SETD2: variants seen among roughly 807,000 people sequenced by gnomAD.
The protein encoded by SETD2 is SET domain containing 2, histone lysine methyltransferase.
A neutral mutation model predicts 242.1 loss-of-function variants in SETD2; 31 were observed. That is an observed-to-expected ratio of 0.13 (90% CI 0.10 to 0.17). The LOEUF (loss-of-function observed/expected upper bound fraction) is 0.17, where lower values mean the gene tolerates loss of function less well. Ranked by LOEUF, SETD2 falls within the 10% of genes least tolerant of loss-of-function variation. The pLI is 1.00. For synonymous variants in SETD2, 1,006 were observed against 1,066.5 expected (o/e 0.94, Z 1.11); for missense variants, 2,481 against 3,046.3 (o/e 0.81, Z 4.37).
chr3:47,125,518 A>G (rs2043298314), intron 2 of SETD2, among the ~76,000 whole-genome samples: 1 of 152,158 alleles, frequency 6.6e-6, no homozygotes. Context: ...TCAATGTCCC[A>G]GGTTTGGGAA....
At chr3:47,076,143 G>A (rs188028678) in intron 12 of SETD2, among the ~76,000 whole-genome samples, 4 of 152,258 alleles carry the variant, frequency 2.6e-5, no homozygotes, top group Admixed American at 2.6e-4. Flanking sequence ...ACTCTATCTT[G>A]GAGAAACAGG....
In SETD2 at chr3:47,019,533, T is replaced by A. The variant is rs2038126673; in HGVS notation, c.7431+227A>T. Among the ~76,000 whole-genome samples the A allele has an allele frequency of 1.3e-5, 2 of 152,062 alleles. 1 individual carries two copies. Among genetic ancestry groups the A allele is most frequent in the South Asian group, 4.1e-4 (2 of 4,826 alleles). On this transcript the variant is annotated intron_variant, in intron 19 of 20. Transcript: ENST00000409792. Reference sequence around the variant, plus strand: ...CATAGATGCTACAGAAGGCCCACAGTCAAACAAGCAAATGTGGTCTGAGAG... The same window carrying A: ...CATAGATGCTACAGAAGGCCCACAGACAAACAAGCAAATGTGGTCTGAGAG...
chr3:47,058,962 TTTGTTGTTG>T (rs545561796), intron 14 of SETD2, among the ~76,000 whole-genome samples: 4 of 150,978 alleles, frequency 2.6e-5, no homozygotes, highest in African/African-American at 4.9e-5. Context: ...GCCTGGCTAA[TTTGTTGTTG>T]TTGTTGTTGT....
chr3:47,150,822 T>C (rs2043966715), intron 1 of SETD2, among the ~76,000 whole-genome samples: 1 of 150,434 alleles, frequency 6.6e-6, no homozygotes, highest in Non-Finnish European at 1.5e-5. Flanking sequence ...AAATTAGGCG[T>C]AGTGGGAGGA....
Position 47,120,414 on chromosome 3 carries a change from T to G in SETD2, c.4222A>C (p.Arg1408=). Residue 1408 remains arginine, a synonymous_variant, in exon 3 of 21, where the codon AGG becomes CGG. Transcript: ENST00000409792. ...TCAGAATCACTCTCTATTTCCTGCC[T>G]CCTTTTTTTAAGAGGCCCTCTATCT... ...IKDRGPLKKR[R]QEIESDSESD... is the part of the protein sequence containing the mutation. The G allele has an allele frequency of 6.2e-7, 1 of 1,611,650 alleles. No homozygotes were observed. Among genetic ancestry groups the G allele is most frequent in the Non-Finnish European group, 8.5e-7 (1 of 1,179,426 alleles).
chr3:47,115,844 C>T (rs1295133796), intron 4 of SETD2, among the ~76,000 whole-genome samples: 1 of 152,140 alleles, frequency 6.6e-6, no homozygotes, highest in Non-Finnish European at 1.5e-5. Context: ...TGGGGTTTCA[C>T]CATGTTGGCC....
At position 47,059,130 on chromosome 3, in the gene SETD2, TTTTGAGAGG is replaced by T. The variant is rs2040221228; in HGVS notation, c.6294-1649_6294-1641del. 4.1e-5 allele frequency among the ~76,000 whole-genome samples: 6 copies of T among 146,744 alleles called. No homozygotes were observed. In the South Asian group the frequency reaches 1.3e-3, roughly 33 times the overall value. On this transcript the variant is annotated intron_variant, in intron 14 of 20. Transcript: ENST00000409792. The stretch of plus-strand genomic sequence containing the variant: ...GGCCTTTTTTTTTTTTTTTTTTTTT[TTTTGAGAGG>T]TTGTCTCATTCTTGTCACCCAGACT...
chr3:47,033,370 A>G (rs143495044), intron 18 of SETD2, among the ~76,000 whole-genome samples: 2 of 152,310 alleles, frequency 1.3e-5, no homozygotes, highest in East Asian at 3.9e-4. Flanking sequence ...ATGAAAAAGC[A>G]TAACAGAGCT....
At chr3:47,019,616 C>T in intron 19 of SETD2, 144 bp downstream of exon 19, 1 of 669,158 alleles carries the variant, frequency 1.5e-6, no homozygotes, top group Non-Finnish European at 2.6e-6. Context: ...AAAAGAAGCA[C>T]TTCAGCAAGA....
intron 7 of SETD2, 82 bp from the exon 8 acceptor site, chr3:47,101,637 CAT>C: frequency 4.5e-6 from 3 of 672,150 alleles, no homozygotes; most frequent in South Asian, 4.3e-5. Context: ...TGTGTGTGCG[CAT>C]ATATAAAGAT....
rs558141082 is a variant in SETD2 at position 47,131,495 on chromosome 3, C to G, written c.72-4832G>C. On this transcript the variant is annotated intron_variant, in intron 1 of 20. Transcript: ENST00000409792. ...AGTAGCTGGGACTACAGGCGCCCACCACCACACCCGGCTAATTTTTTGCAT... is the reference window on the plus strand; with the variant it reads ...AGTAGCTGGGACTACAGGCGCCCACGACCACACCCGGCTAATTTTTTGCAT... Among the ~76,000 whole-genome samples, 33 of 152,040 alleles carry G rather than the reference C, an allele frequency of 2.2e-4. No homozygotes were observed. In the South Asian group the frequency reaches 6.8e-3, roughly 32 times the overall value.
At chr3:47,140,909 G>A (rs1234814602) in intron 1 of SETD2, among the ~76,000 whole-genome samples, 2 of 152,052 alleles carry the variant, frequency 1.3e-5, no homozygotes, top group Admixed American at 6.6e-5. Context: ...TATCGAATAC[G>A]AAGAAAGACA....
At chr3:47,065,752 C>A (rs1319328484) in intron 13 of SETD2, among the ~76,000 whole-genome samples, 1 of 152,112 alleles carries the variant, frequency 6.6e-6, no homozygotes, top group African/African-American at 2.4e-5. Context: ...GCAGTGAGAG[C>A]TATGATGGTG....
intron 1 of SETD2, among the ~76,000 whole-genome samples, chr3:47,148,138 TTGTTG>T (rs869106151): frequency 2.0e-5 from 3 of 149,822 alleles, no homozygotes; most frequent in African/African-American, 7.4e-5. Context: ...GTTGTTGTTG[TTGTTG>T]TTTTTGATAA....
At chr3:47,107,257 G>T (rs940949649) in intron 5 of SETD2, among the ~76,000 whole-genome samples, 2 of 151,946 alleles carry the variant, frequency 1.3e-5, no homozygotes, top group Non-Finnish European at 2.9e-5. Flanking sequence ...TCTAATGAAA[G>T]AAATTTTTTT....
intron 1 of SETD2, among the ~76,000 whole-genome samples, chr3:47,137,200 AT>A (rs1260676612): frequency 6.6e-6 from 1 of 151,338 alleles, no homozygotes; most frequent in Non-Finnish European, 1.5e-5. Flanking sequence ...ATTTTATTTT[AT>A]TTTTATTTTT....
chr3:47,061,680 A>G (rs889067531), intron 14 of SETD2, among the ~76,000 whole-genome samples: 1 of 152,198 alleles, frequency 6.6e-6, no homozygotes, highest in African/African-American at 2.4e-5. Flanking sequence ...ATTTAAAAAG[A>G]ACTTGTCTGG....
intron 17 of SETD2, among the ~76,000 whole-genome samples, chr3:47,040,726 A>G (rs2039242276): frequency 6.6e-6 from 1 of 151,786 alleles, no homozygotes; most frequent in Non-Finnish European, 1.5e-5. Context: ...GGTGCACACC[A>G]CCATGCCAAG....
chr3:47,118,973 T>C (rs1369445738), intron 3 of SETD2, among the ~76,000 whole-genome samples: 1 of 152,220 alleles, frequency 6.6e-6, no homozygotes, highest in Non-Finnish European at 1.5e-5. Flanking sequence ...AGGCTCTCTG[T>C]TAAAAGGTTA....
Sources: allele counts gnomAD v4.1 joint callset (sites outside exome capture counted in the v4.1 genomes callset), GRCh38; gene constraint gnomAD v4.1.1; transcripts MANE v1.5; gene names NCBI Gene and HGNC (gene_info 2026-07-23, HGNC 2026-07-21).